The following FGF12 variants were observed in gnomAD, a reference collection of about 807,000 sequenced individuals.
FGF12 encodes fibroblast growth factor 12.
In FGF12, 14 loss-of-function variants were observed where a neutral mutation model predicts 23.6. The observed-to-expected ratio is 0.59, with a 90% CI of 0.39 to 0.93. FGF12 has a LOEUF of 0.93. Among genes scored for constraint, FGF12 ranks in the 40% least tolerant of loss-of-function variants. The probability of loss-of-function intolerance (pLI) is 0.00; values close to 1 mark genes in which losing one functional copy is unlikely to be tolerated. For synonymous variants in FGF12, 62 were observed against 77.3 expected (o/e 0.80, Z 1.04); for missense variants, 175 against 217.8 (o/e 0.80, Z 1.24).
intron 4 of FGF12, among the ~76,000 whole-genome samples, chr3:192,199,471 T>C (rs764869014): frequency 6.6e-6 from 1 of 151,954 alleles, no homozygotes; most frequent in Non-Finnish European, 1.5e-5. Flanking sequence ...AACAGCATTG[T>C]CTGCAAATAC....
At chr3:192,394,982 T>C (rs184563686) in intron 2 of FGF12, among the ~76,000 whole-genome samples, 1 of 152,306 alleles carries the variant, frequency 6.6e-6, no homozygotes, top group East Asian at 1.9e-4. Flanking sequence ...CTCAAGGGTA[T>C]TTAACACTAA....
chr3:192,711,277 G>T (rs1239075365), intron 2 of FGF12, among the ~76,000 whole-genome samples: 1 of 128,748 alleles, frequency 7.8e-6, no homozygotes, highest in Admixed American at 8.3e-5. Flanking sequence ...GCCCCGTCCG[G>T]GAGGGAGGTG....
chr3:192,353,089 T>C (rs914467225), intron 3 of FGF12, among the ~76,000 whole-genome samples: 1 of 152,182 alleles, frequency 6.6e-6, no homozygotes, highest in African/African-American at 2.4e-5. Context: ...TCTAATGTTG[T>C]ACTATCTGAA....
chr3:192,476,996 A>C (rs929159312), intron 2 of FGF12, among the ~76,000 whole-genome samples: 60 of 152,334 alleles, frequency 3.9e-4, no homozygotes, highest in African/African-American at 1.4e-3. Flanking sequence ...CTTACAAAAG[A>C]AGTGATTACA....
intron 4 of FGF12, among the ~76,000 whole-genome samples, chr3:192,263,875 A>T (rs1397564612): frequency 6.6e-6 from 1 of 152,120 alleles, no homozygotes; most frequent in East Asian, 1.9e-4. Flanking sequence ...TAAGGCTCAT[A>T]AATGCAGTCC....
At chr3:192,312,080 A>G (rs889678081) in intron 4 of FGF12, among the ~76,000 whole-genome samples, 1 of 152,148 alleles carries the variant, frequency 6.6e-6, no homozygotes, top group African/African-American at 2.4e-5. Context: ...CTTATCAGAT[A>G]TGTGGTTTTC....
chr3:192,334,016 T>C (rs1717262866), intron 4 of FGF12, among the ~76,000 whole-genome samples: 1 of 151,958 alleles, frequency 6.6e-6, no homozygotes, highest in African/African-American at 2.4e-5. Flanking sequence ...TAAACCATGG[T>C]TTGTGACAAA....
chr3:192,167,742 TATATATATATATATATATATATATATAA>T lies in FGF12; in HGVS notation c.427+2688_427+2715del, dbSNP rs1715258622. On this transcript the variant is annotated intron_variant, in intron 5 of 5. Coordinates refer to ENST00000445105, the MANE Select transcript of FGF12 (RefSeq NM_004113.6). ...AGGGTAGGTTATAGGTATATATATA[TATATATATATATATATATATATATATAA>T]AATTTTTTTTTTTTTTTTTTTTTGA... 8.8e-5 allele frequency among the ~76,000 whole-genome samples: 2 copies of T among 22,704 alleles called. 1 individual carries two copies. The highest frequency in any genetic ancestry group is 4.4e-4 in the African/African-American group (2 of 4,524). 14.9% of individuals were successfully genotyped at this position (22,704 alleles called of 152,430 possible). A position where few individuals can be genotyped will look rare whatever the true frequency, so the allele number is the denominator to read the frequency against.
At chr3:192,461,090 G>A (rs1324456880) in intron 2 of FGF12, among the ~76,000 whole-genome samples, 1 of 152,098 alleles carries the variant, frequency 6.6e-6, no homozygotes, top group Non-Finnish European at 1.5e-5. Flanking sequence ...ATAACATACA[G>A]GACACATTTT....
At chr3:192,721,086 G>A (rs1719025150) in intron 2 of FGF12, among the ~76,000 whole-genome samples, 1 of 152,182 alleles carries the variant, frequency 6.6e-6, no homozygotes, top group Non-Finnish European at 1.5e-5. Flanking sequence ...TTTTGGTAAA[G>A]TGAAGTTTTT....
chr3:192,688,265 A>C lies in FGF12; in HGVS notation c.13+38916T>G, dbSNP rs372180938. Reference sequence around the variant, plus strand: ...AATGAGACACCACATCCACCCCTTGACCTGGAGCTACTGTATACTTCCATT... The same window carrying C: ...AATGAGACACCACATCCACCCCTTGCCCTGGAGCTACTGTATACTTCCATT... On this transcript the variant is annotated intron_variant, in intron 2 of 5. Coordinates refer to ENST00000445105, the MANE Select transcript of FGF12 (RefSeq NM_004113.6). 5.9e-5 allele frequency among the ~76,000 whole-genome samples: 9 copies of C among 151,876 alleles called. No homozygotes were observed. The East Asian group carries it at 1.6e-3, about 26-fold the overall frequency.
chr3:192,677,668 G>A (rs1011994300), intron 2 of FGF12, among the ~76,000 whole-genome samples: 59 of 152,178 alleles, frequency 3.9e-4, no homozygotes, highest in African/African-American at 1.4e-3. Context: ...GGCACCAATG[G>A]ACGCAATGTG....
intron 2 of FGF12, among the ~76,000 whole-genome samples, chr3:192,477,646 A>G (rs1322745306): frequency 1.3e-5 from 2 of 152,184 alleles, no homozygotes; most frequent in African/African-American, 2.4e-5. Context: ...GGGAGTGGAG[A>G]GAGGGGAAGA....
intron 4 of FGF12, among the ~76,000 whole-genome samples, chr3:192,179,411 G>A (rs1340286589): frequency 1.3e-5 from 2 of 152,174 alleles, no homozygotes; most frequent in Non-Finnish European, 2.9e-5. Context: ...TACTGGAAAT[G>A]TAATGTTGGA....
chr3:192,246,220 A>C (rs999140308), intron 4 of FGF12, among the ~76,000 whole-genome samples: 2 of 152,146 alleles, frequency 1.3e-5, no homozygotes, highest in African/African-American at 4.8e-5. Flanking sequence ...ACTTGATTAC[A>C]TATTTAGTAT....
At chr3:192,550,468 T>C (rs1395553295) in intron 2 of FGF12, among the ~76,000 whole-genome samples, 1 of 151,286 alleles carries the variant, frequency 6.6e-6, no homozygotes, top group Non-Finnish European at 1.5e-5. Context: ...AATATTATGA[T>C]ATACAACACC....
At chr3:192,469,392 A>G (rs1409950800) in intron 2 of FGF12, among the ~76,000 whole-genome samples, 1 of 152,226 alleles carries the variant, frequency 6.6e-6, no homozygotes, top group Non-Finnish European at 1.5e-5. Context: ...ATTAAATACT[A>G]TGAATTCCTA....
intron 2 of FGF12, among the ~76,000 whole-genome samples, chr3:192,556,804 A>G (rs1187288821): frequency 2.6e-5 from 4 of 152,176 alleles, no homozygotes; most frequent in African/African-American, 7.2e-5. Flanking sequence ...ATTATTTCCT[A>G]TAGGGTTGTT....
At chr3:192,217,022 G>A (rs947790294) in intron 4 of FGF12, among the ~76,000 whole-genome samples, 5 of 152,136 alleles carry the variant, frequency 3.3e-5, no homozygotes, top group African/African-American at 1.2e-4. Flanking sequence ...TTACTGAGTG[G>A]CACTTGCTAT....
Sources: allele counts gnomAD v4.1 joint callset (sites outside exome capture counted in the v4.1 genomes callset), GRCh38; gene constraint gnomAD v4.1.1; transcripts MANE v1.5; gene names NCBI Gene and HGNC (gene_info 2026-07-23, HGNC 2026-07-21).